ASB3: variants seen among roughly 807,000 people sequenced by gnomAD.
ASB3 encodes ankyrin repeat and SOCS box protein 3.
In ASB3, 41 loss-of-function variants were observed where a neutral mutation model predicts 54.5. The observed-to-expected ratio is 0.75, with a 90% CI of 0.59 to 0.98. The LOEUF (loss-of-function observed/expected upper bound fraction) is 0.98. Ranked by LOEUF, ASB3 falls within the 50% of genes least tolerant of loss-of-function variation. The pLI, the probability that ASB3 is intolerant of heterozygous loss-of-function variation, is 0.00. For missense variants in ASB3, 733 were observed against 620.0 expected, an observed-to-expected ratio of 1.18 and a Z score of -1.94; for synonymous variants, 266 against 221.2, an observed-to-expected ratio of 1.20 and a Z score of -1.80.
intron 8 of ASB3, among the ~76,000 whole-genome samples, chr2:53,695,668 G>A (rs1410589226): frequency 2.0e-5 from 3 of 152,016 alleles, no homozygotes; most frequent in African/African-American, 7.3e-5. Context: ...CACTAAAAAT[G>A]TATTGTTACT....
chr2:53,689,061 G>C (rs986307034), intron 9 of ASB3, among the ~76,000 whole-genome samples: 5 of 151,856 alleles, frequency 3.3e-5, no homozygotes, highest in African/African-American at 9.7e-5. Context: ...TTTTAAATAT[G>C]TCATAAATCC....
chr2:53,757,780 C>A (rs1185483428), intron 2 of ASB3, among the ~76,000 whole-genome samples: 1 of 152,180 alleles, frequency 6.6e-6, no homozygotes, highest in East Asian at 1.9e-4. Context: ...CCACCCTTGC[C>A]AGGGCCCCAA....
At chr2:53,732,540 C>G (rs1317904749) in intron 3 of ASB3, among the ~76,000 whole-genome samples, 1 of 152,112 alleles carries the variant, frequency 6.6e-6, no homozygotes, top group Non-Finnish European at 1.5e-5. Flanking sequence ...ACAAGTTAGG[C>G]TGACCTTATA....
chr2:53,768,000 C>A, intron 1 of ASB3: 1 of 1,611,374 alleles, frequency 6.2e-7, no homozygotes, highest in Non-Finnish European at 8.5e-7. Flanking sequence ...GCAGCACGGA[C>A]CACCGCGGGG....
At chr2:53,772,779 G>T (rs896456125) in intron 1 of ASB3, among the ~76,000 whole-genome samples, 2 of 152,158 alleles carry the variant, frequency 1.3e-5, no homozygotes, top group African/African-American at 4.8e-5. Context: ...TGTCATGGGG[G>T]TTTGTTGTAC....
chr2:53,753,767 G>C (rs900126110), intron 2 of ASB3, among the ~76,000 whole-genome samples: 14 of 151,732 alleles, frequency 9.2e-5, no homozygotes, highest in African/African-American at 3.4e-4. Context: ...CTCCCGAGTA[G>C]CTGGGATTAT....
chr2:53,675,658 T>C (rs537093214), intron 9 of ASB3, among the ~76,000 whole-genome samples: 2 of 152,336 alleles, frequency 1.3e-5, no homozygotes, highest in East Asian at 3.9e-4. Flanking sequence ...ATTTCTATTT[T>C]TTCCTGATAT....
In ASB3 at chr2:53,781,943, T is replaced by C. The variant is rs182544348; in HGVS notation, c.-14+4878A>G. 2.4e-3 allele frequency among the ~76,000 whole-genome samples: 362 copies of C among 152,342 alleles called. 1 individual carries two copies. Among genetic ancestry groups the C allele is most frequent in the Non-Finnish European group, 4.1e-3 (276 of 68,026 alleles). ...AATTTTTTCAACAGCATTGATTTAT[T>C]CAACAAGTACTGGCTGGGTGCCATG... On this transcript the variant is annotated intron_variant, in intron 1 of 9. Coordinates refer to ENST00000263634, the MANE Select transcript of ASB3 (RefSeq NM_016115.5).
chr2:53,679,717 T>C (rs1668263780), intron 9 of ASB3, among the ~76,000 whole-genome samples: 1 of 152,132 alleles, frequency 6.6e-6, no homozygotes, highest in Non-Finnish European at 1.5e-5. Flanking sequence ...AAGAACTATG[T>C]TCACTTTATT....
At chr2:53,764,341 G>C (rs1267845651) in intron 2 of ASB3, among the ~76,000 whole-genome samples, 1 of 152,124 alleles carries the variant, frequency 6.6e-6, no homozygotes, top group Non-Finnish European at 1.5e-5. Context: ...GGAAAAAAAA[G>C]GGCTTTAGAG....
chr2:53,714,403 A>G lies in ASB3; in HGVS notation c.961T>C (p.Cys321Arg). The change falls in exon 7 of 10, where the codon TGC becomes CGC. Residue 321 changes from cysteine (C) to arginine (R), a missense_variant. Physicochemically the swap from Cys to Arg is radical, Grantham distance 180. Coordinates refer to ENST00000263634, the MANE Select transcript of ASB3 (RefSeq NM_016115.5). ...ACATACTCCTTTTGGAAAGCCATGC[A>G]CACAGGAGAACTGAATCCAAAAACA... is the stretch of plus-strand genomic sequence containing the variant. ...CLVFGFSSPVCMAFQKDCEFF... is the reference protein window; with the variant it reads ...CLVFGFSSPVRMAFQKDCEFF... The G allele has an allele frequency of 1.9e-6, 3 of 1,614,234 alleles. No individual in the cohort carries two copies. The highest frequency in any genetic ancestry group is 2.5e-6 in the Non-Finnish European group (3 of 1,180,020).
In ASB3 at chr2:53,716,630, G is replaced by C. The variant is rs1433459710; in HGVS notation, c.718C>G (p.Leu240Val). 3 of 1,614,168 alleles carry C rather than the reference G, an allele frequency of 1.9e-6. No individual in the cohort carries two copies. Among genetic ancestry groups the C allele is most frequent in the Non-Finnish European group, 2.5e-6 (3 of 1,180,018 alleles). Residue 240 changes from leucine to valine, a missense_variant, in exon 6 of 10, where the codon CTT becomes GTT. Coordinates refer to ENST00000263634, the MANE Select transcript of ASB3 (RefSeq NM_016115.5). The part of the protein sequence containing the change: ...LLLSSGADPD[L>V]YCNEDSWQLP... ...TGCCAACTGTCCTCATTACAGTAAA[G>C]ATCAGGATCTGCCCCACTGGAGAGC... is the stretch of plus-strand genomic sequence containing the variant.
chr2:53,757,135 A>T (rs1207795348), intron 2 of ASB3, among the ~76,000 whole-genome samples: 1 of 152,202 alleles, frequency 6.6e-6, no homozygotes, highest in East Asian at 1.9e-4. Context: ...AGCGGTGAGT[A>T]ATATTGGACC....
At chr2:53,671,353 CGTGTGTGTGTGTGTGTGTGTGT>C (rs142473697) in intron 9 of ASB3, among the ~76,000 whole-genome samples, 1 of 142,510 alleles carries the variant, frequency 7.0e-6, no homozygotes, top group Non-Finnish European at 1.5e-5. Context: ...GAACCCAAAG[CGTGTGTGTGTGTGTGTGTGTGT>C]GTGTGTGTGT....
chr2:53,686,759 C>A (rs974404212), intron 9 of ASB3, among the ~76,000 whole-genome samples: 4 of 152,096 alleles, frequency 2.6e-5, no homozygotes, highest in Non-Finnish European at 5.9e-5. Flanking sequence ...TCTTGTTGCC[C>A]GGGCTGGAGT....
intron 9 of ASB3, among the ~76,000 whole-genome samples, chr2:53,682,445 G>C (rs998909992): frequency 3.3e-5 from 5 of 151,890 alleles, no homozygotes; most frequent in Non-Finnish European, 7.4e-5. Context: ...TTGTAAATGA[G>C]ATTAATTTTT....
chr2:53,674,286 T>A (rs1051431796), intron 9 of ASB3, among the ~76,000 whole-genome samples: 5 of 152,226 alleles, frequency 3.3e-5, no homozygotes, highest in African/African-American at 1.2e-4. Context: ...TAAGTCACTT[T>A]TCTGACCCAA....
At chr2:53,694,252 A>C in intron 8 of ASB3, 1 of 388,008 alleles carries the variant, frequency 2.6e-6, no homozygotes. Context: ...GACAAGAGGA[A>C]CCTCAGAGAG....
rs145016857 is a variant in ASB3 at position 53,689,624 on chromosome 2, G to T, written c.1369+4260C>A. 4.6e-5 allele frequency among the ~76,000 whole-genome samples: 7 copies of T among 152,208 alleles called. No homozygotes were observed. In the South Asian group the frequency reaches 1.0e-3, roughly 23 times the overall value. On this transcript the variant is annotated intron_variant, in intron 9 of 9. Transcript: ENST00000263634. ...TTACCTTGGTGTACTTACCACAGATGATTTATCTTGAAGGGCATGTGAGAA... is the reference window on the plus strand; with the variant it reads ...TTACCTTGGTGTACTTACCACAGATTATTTATCTTGAAGGGCATGTGAGAA...
Sources: gnomAD v4.1 joint callset for allele counts (sites outside exome capture counted in the v4.1 genomes callset) on GRCh38, gnomAD v4.1.1 for gene constraint, MANE v1.5 for transcripts, NCBI Gene and HGNC (gene_info 2026-07-23, HGNC 2026-07-21) for gene names.